The following JAK2 variants were observed in gnomAD, a reference collection of about 807,000 sequenced individuals.
JAK2 encodes tyrosine-protein kinase JAK2.
In JAK2, 86 loss-of-function variants were observed where a neutral mutation model predicts 139.3. The ratio of observed to expected loss-of-function variants is 0.62; its 90% CI spans 0.52 to 0.74. The LOEUF is 0.74. Among genes scored for constraint, JAK2 ranks in the 30% least tolerant of loss-of-function variants. The pLI, the probability that JAK2 is intolerant of heterozygous loss-of-function variation, is 0.00. For synonymous variants in JAK2, 490 were observed against 437.7 expected (o/e 1.12, Z -1.49); for missense variants, 1,421 against 1,360.3 (o/e 1.04, Z -0.70).
rs931191465 is a variant in JAK2 at position 5,112,356 on chromosome 9, G to C, written c.3060-10648G>C. On this transcript the variant is annotated intron_variant, in intron 22 of 24. Transcript: ENST00000381652. The stretch of plus-strand genomic sequence containing the variant: ...CTCTCTTGGCCTTCCGACTCCTGCA[G>C]TGGGCTAGGGCGAGCAGGCCACTGG... 8.4e-6 allele frequency: 3 copies of C among 358,610 alleles called. No individual in the cohort carries two copies. The South Asian group carries it at 9.9e-5, about 12-fold the overall frequency. 22.2% of individuals were successfully genotyped at this position (358,610 alleles called of 1,614,324 possible).
chr9:5,120,404 G>A (rs944676152), intron 22 of JAK2, among the ~76,000 whole-genome samples: 2 of 152,094 alleles, frequency 1.3e-5, no homozygotes, highest in Non-Finnish European at 2.9e-5. Flanking sequence ...TTTATTCACA[G>A]GATTTTGCCC....
intron 2 of JAK2, among the ~76,000 whole-genome samples, chr9:4,986,805 G>A (rs1455408107): frequency 9.9e-5 from 15 of 152,108 alleles, no homozygotes; most frequent in Admixed American, 9.8e-4. Flanking sequence ...CAGCCACTAA[G>A]TCATTTGCAA....
intron 4 of JAK2, among the ~76,000 whole-genome samples, chr9:5,035,646 C>T (rs1278349227): frequency 6.6e-6 from 1 of 151,618 alleles, no homozygotes; most frequent in Admixed American, 6.6e-5. Context: ...ATGATTATCT[C>T]AGAGGCAGAA....
At chr9:5,045,270 G>A (rs986499653) in intron 5 of JAK2, among the ~76,000 whole-genome samples, 4 of 152,118 alleles carry the variant, frequency 2.6e-5, no homozygotes, top group African/African-American at 9.7e-5. Flanking sequence ...TGCTAATATT[G>A]TAGGAAACAA....
Position 5,082,106 on chromosome 9 carries a change from G to T in JAK2, c.2571+245G>T, listed in dbSNP as rs2149560. Among the ~76,000 whole-genome samples the T allele has an allele frequency of 0.61, 92,378 of 151,838 alleles. 30,358 individuals carry two copies. The highest frequency in any genetic ancestry group is 0.88 in the African/African-American group (36,417 of 41,520). ...TGGGACCAGAGACTGAGAAAAGAAA[G>T]AAGACACAGAGACAAAAGTATAGAG... On this transcript the variant is annotated intron_variant, in intron 19 of 24. Transcript: ENST00000381652.
At chr9:5,091,055 T>TAGGTC in intron 22 of JAK2, 144 bp downstream of exon 22, 4 of 610,680 alleles carry the variant, frequency 6.6e-6, no homozygotes, top group African/African-American at 3.8e-5. Flanking sequence ...CTTTTTTTTT[T>TAGGTC]TAGGTCTTAT....
In JAK2 at chr9:5,054,969, T is replaced by C; in HGVS notation, c.936+85T>C. ...AAAGTAATTTTAATCATTTGCAACA[T>C]GGTATTGCACTTCTCCCATTTGATA... On this transcript the variant is annotated intron_variant, in intron 7 of 24. Transcript: ENST00000381652. This position sits in a 1 kb window ranked among gnomAD's most constrained non-coding sequence, Gnocchi z 4.9. The C allele has an allele frequency of 3.1e-6, 3 of 974,180 alleles. No homozygotes were observed. Among genetic ancestry groups the C allele is most frequent in the Non-Finnish European group, 4.5e-6 (3 of 663,394 alleles). 60.3% of individuals were successfully genotyped at this position (974,180 alleles called of 1,614,324 possible). A position where few individuals can be genotyped will look rare whatever the true frequency, so the allele number is the denominator to read the frequency against.
chr9:5,114,658 C>G (rs1208451470), intron 22 of JAK2: 2 of 455,260 alleles, frequency 4.4e-6, no homozygotes, highest in African/African-American at 4.0e-5. Flanking sequence ...CCCCGCAAAA[C>G]CAAGGGCTCT....
At chr9:5,055,240 G>C (rs1479219291) in intron 7 of JAK2, among the ~76,000 whole-genome samples, 1 of 151,984 alleles carries the variant, frequency 6.6e-6, no homozygotes, top group East Asian at 1.9e-4. Context: ...TTGATTTTAT[G>C]ATAATATATA....
chr9:5,104,346 C>A (rs1415524678), intron 22 of JAK2, among the ~76,000 whole-genome samples: 1 of 152,058 alleles, frequency 6.6e-6, no homozygotes, highest in Admixed American at 6.6e-5. Flanking sequence ...CACATACACC[C>A]TCCCAAGACT....
chr9:5,044,598 A>T, intron 5 of JAK2, 78 bp downstream of exon 5: 1 of 892,352 alleles, frequency 1.1e-6, no homozygotes, highest in East Asian at 2.5e-5. Flanking sequence ...TAATCAGGAA[A>T]AACTTTACAT....
chr9:5,050,254 C>T (rs1199266119), intron 5 of JAK2, among the ~76,000 whole-genome samples: 1 of 152,098 alleles, frequency 6.6e-6, no homozygotes, highest in Non-Finnish European at 1.5e-5. Flanking sequence ...AATTGTATCG[C>T]AAAATGAATG....
Position 5,019,782 on chromosome 9 carries a change from G to C in JAK2, c.-25-2181G>C, listed in dbSNP as rs182528553. ...GGGTGCATGCAGTAGTGTAGTCTCTGTAAGATTTTTTTTCCTTTGTAAACA... is the reference window on the plus strand; with the variant it reads ...GGGTGCATGCAGTAGTGTAGTCTCTCTAAGATTTTTTTTCCTTTGTAAACA... On this transcript the variant is annotated intron_variant, in intron 2 of 24. Transcript: ENST00000381652. Among the ~76,000 whole-genome samples the C allele has an allele frequency of 4.6e-5, 7 of 152,300 alleles. No homozygotes were observed. In the East Asian group the frequency reaches 9.6e-4, roughly 21 times the overall value.
chr9:5,078,266 T>C, intron 15 of JAK2, 40 bp from the exon 16 acceptor site: 3 of 1,569,142 alleles, frequency 1.9e-6, no homozygotes, highest in Non-Finnish European at 2.6e-6. Context: ...CCAGTACTTG[T>C]GGACTGATAT....
chr9:5,114,923 C>T (rs1564019752), intron 22 of JAK2: 2 of 181,214 alleles, frequency 1.1e-5, no homozygotes, highest in Non-Finnish European at 1.1e-5. Flanking sequence ...ATAAACAGTG[C>T]CTGCTCAGAA....
intron 22 of JAK2, chr9:5,110,023 C>T (rs1188990889): frequency 6.6e-6 from 1 of 152,218 alleles, no homozygotes; most frequent in Non-Finnish European, 1.5e-5. Context: ...TTAGTTATAG[C>T]ATGGTTCCTC....
At chr9:5,041,250 TC>T in intron 4 of JAK2, 1 of 1,447,832 alleles carries the variant, frequency 6.9e-7, no homozygotes, top group Non-Finnish European at 9.6e-7. Context: ...CAGCACGCCA[TC>T]CACATCATCG....
chr9:4,988,886 C>G (rs538967700), intron 2 of JAK2, among the ~76,000 whole-genome samples: 1 of 152,104 alleles, frequency 6.6e-6, no homozygotes, highest in Non-Finnish European at 1.5e-5. Context: ...TTTCATTTAC[C>G]TCTTATTCCC....
chr9:4,992,776 T>A (rs28450816), intron 2 of JAK2, among the ~76,000 whole-genome samples: 1 of 152,218 alleles, frequency 6.6e-6, no homozygotes, highest in Admixed American at 6.5e-5. Context: ...ACAGGTTATC[T>A]GCAGTAGACA....
Sources: allele counts gnomAD v4.1 joint callset (sites outside exome capture counted in the v4.1 genomes callset), GRCh38; gene constraint gnomAD v4.1.1; non-coding constraint Gnocchi (gnomAD v3.1); transcripts MANE v1.5; gene names NCBI Gene and HGNC (gene_info 2026-07-23, HGNC 2026-07-21).